MROH1: variants seen among roughly 807,000 people sequenced by gnomAD.
The protein encoded by MROH1 is maestro heat-like repeat-containing protein family member 1.
MROH1 carries 117 observed loss-of-function variants against 116.5 expected under a neutral mutation model. The ratio of observed to expected loss-of-function variants is 1.00; its 90% CI spans 0.86 to 1.17. MROH1 has a LOEUF of 1.17. Ranked by LOEUF, MROH1 falls within the 50% of genes most tolerant of loss-of-function variation. The probability of loss-of-function intolerance (pLI) is 0.00; values close to 1 mark genes in which losing one functional copy is unlikely to be tolerated. For missense variants in MROH1, 1,873 were observed against 1,338.5 expected, an observed-to-expected ratio of 1.40 and a Z score of -6.23; for synonymous variants, 921 against 583.9, an observed-to-expected ratio of 1.58 and a Z score of -8.32.
At chr8:144,207,770 T>G (rs1237109482) in intron 12 of MROH1, among the ~76,000 whole-genome samples, 1 of 152,206 alleles carries the variant, frequency 6.6e-6, no homozygotes, top group Non-Finnish European at 1.5e-5. Context: ...TTTTTATGAT[T>G]AGTACCTTTA....
In MROH1 at chr8:144,163,922, C is replaced by A; in HGVS notation, c.22+74C>A. The A allele has an allele frequency of 6.6e-7, 1 of 1,516,146 alleles. No homozygotes were observed. The highest frequency in any genetic ancestry group is 9.1e-7 in the Non-Finnish European group (1 of 1,098,214). 93.9% of individuals were successfully genotyped at this position (1,516,146 alleles called of 1,614,324 possible). ...TCTGGGTGGTCAGGGCAGGCCAAGGCTCTTACCAGCTCCAATGGTGCCTAG... is the reference window on the plus strand; with the variant it reads ...TCTGGGTGGTCAGGGCAGGCCAAGGATCTTACCAGCTCCAATGGTGCCTAG... On this transcript the variant is annotated intron_variant, in intron 3 of 43. Coordinates refer to ENST00000326134, the MANE Select transcript of MROH1 (RefSeq NM_032450.3). The surrounding 1 kb of genome is among the most constrained non-coding windows in gnomAD (Gnocchi z 4.4).
chr8:144,206,288 T>C (rs1053693830), intron 12 of MROH1, among the ~76,000 whole-genome samples: 23 of 152,322 alleles, frequency 1.5e-4, no homozygotes, highest in African/African-American at 5.5e-4. Flanking sequence ...GGAGGACCCT[T>C]CGTGAGCGTA....
chr8:144,171,226 G>T (rs996768814), intron 4 of MROH1, among the ~76,000 whole-genome samples: 5 of 152,234 alleles, frequency 3.3e-5, no homozygotes, highest in African/African-American at 4.8e-5. Context: ...GACCTGCCAT[G>T]AATCAGGGTT....
chr8:144,181,927 A>G (rs1326291142), intron 7 of MROH1, among the ~76,000 whole-genome samples: 1 of 152,082 alleles, frequency 6.6e-6, no homozygotes, highest in African/African-American at 2.4e-5. Context: ...CCTCTTGCTT[A>G]CCTTCCCCTT....
At chr8:144,177,367 G>A (rs1824271241) in intron 4 of MROH1, among the ~76,000 whole-genome samples, 1 of 152,262 alleles carries the variant, frequency 6.6e-6, no homozygotes, top group Non-Finnish European at 1.5e-5. Flanking sequence ...TGCGTGTCAA[G>A]TGGCTGGGTG....
chr8:144,195,385 C>T (rs1829630333), intron 10 of MROH1, among the ~76,000 whole-genome samples: 1 of 148,494 alleles, frequency 6.7e-6, no homozygotes, highest in Non-Finnish European at 1.5e-5. Flanking sequence ...GCCTGTAGTC[C>T]CAGCTACTCG....
At chr8:144,200,654 A>G (rs1830912504) in intron 12 of MROH1, 113 bp downstream of exon 12, 1 of 791,854 alleles carries the variant, frequency 1.3e-6, no homozygotes, top group Non-Finnish European at 2.1e-6. Context: ...TGAATTCTCT[A>G]GAAAGATTTC....
chr8:144,248,434 T>C (rs1232794891), intron 31 of MROH1, among the ~76,000 whole-genome samples: 3 of 152,146 alleles, frequency 2.0e-5, no homozygotes, highest in Non-Finnish European at 4.4e-5. Flanking sequence ...GTCCAGAGAC[T>C]GTGTCTCCTG....
At chr8:144,241,145 C>T (rs1163167769) in intron 21 of MROH1, 34 bp downstream of exon 21, 3 of 728,648 alleles carry the variant, frequency 4.1e-6, no homozygotes, top group Non-Finnish European at 5.1e-6. Context: ...GCCCCAGACA[C>T]CCCAGGGCTG....
chr8:144,175,107 C>T, intron 4 of MROH1: 1 of 985,430 alleles, frequency 1.0e-6, no homozygotes, highest in Middle Eastern at 5.2e-4. Flanking sequence ...GATCAAGAAC[C>T]AGAGGAGATG....
At chr8:144,250,174 C>T (rs957167357) in intron 32 of MROH1, 38 bp from the exon 33 acceptor site, 212 of 755,216 alleles carry the variant, frequency 2.8e-4, no homozygotes, top group Non-Finnish European at 4.9e-4. Context: ...AGCTGTCCCC[C>T]ACGCGTGGCC....
intron 12 of MROH1, among the ~76,000 whole-genome samples, chr8:144,209,179 A>G (rs1192216104): frequency 6.6e-6 from 1 of 152,068 alleles, no homozygotes; most frequent in East Asian, 1.9e-4. Flanking sequence ...TTATAGGCCA[A>G]TATCACAGTT....
At chr8:144,159,184 C>T (rs983142128) in intron 1 of MROH1, among the ~76,000 whole-genome samples, 4 of 152,110 alleles carry the variant, frequency 2.6e-5, no homozygotes, top group African/African-American at 9.7e-5. Context: ...GTGGTGAAAC[C>T]CCATCTCTAC....
intron 1 of MROH1, among the ~76,000 whole-genome samples, chr8:144,151,607 A>G (rs1816810412): frequency 1.3e-5 from 2 of 152,346 alleles, no homozygotes; most frequent in African/African-American, 2.4e-5. Flanking sequence ...CCGGTACACC[A>G]AAGGGCAAGA....
intron 13 of MROH1, among the ~76,000 whole-genome samples, chr8:144,221,485 C>G: frequency 6.6e-6 from 1 of 151,960 alleles, no homozygotes; most frequent in Non-Finnish European, 1.5e-5. Context: ...GACCTGCTTG[C>G]TACAGGGGGA....
intron 2 of MROH1, among the ~76,000 whole-genome samples, chr8:144,161,515 CCTCT>C (rs1271127768): frequency 1.3e-5 from 2 of 152,284 alleles, no homozygotes; most frequent in African/African-American, 4.8e-5. Context: ...AGGACTGGGT[CCTCT>C]CTCCAGGCAG....
chr8:144,221,740 G>A (rs72695481), intron 13 of MROH1, among the ~76,000 whole-genome samples: 2,747 of 152,176 alleles, frequency 0.018, 41 homozygotes, highest in Non-Finnish European at 0.026. Context: ...GTGGCTAAAC[G>A]CACACAGTCT....
chr8:144,203,648 C>T (rs1588146784), intron 12 of MROH1, among the ~76,000 whole-genome samples: 2 of 152,200 alleles, frequency 1.3e-5, no homozygotes, highest in South Asian at 4.1e-4. Flanking sequence ...GGTCAGTGGT[C>T]CTTGGGGAAG....
At chr8:144,209,905 CAAAAA>C (rs35823965) in intron 12 of MROH1, among the ~76,000 whole-genome samples, 1 of 109,814 alleles carries the variant, frequency 9.1e-6, no homozygotes, top group African/African-American at 4.0e-5. Context: ...GACCCTGTCT[CAAAAA>C]AAAAAAAAAA....
Sources: gnomAD v4.1 joint callset for allele counts (sites outside exome capture counted in the v4.1 genomes callset) on GRCh38, gnomAD v4.1.1 for gene constraint, Gnocchi (gnomAD v3.1) non-coding constraint, MANE v1.5 for transcripts, NCBI Gene and HGNC (gene_info 2026-07-23, HGNC 2026-07-21) for gene names.